The following SON variants were observed in gnomAD, a reference collection of about 807,000 sequenced individuals.
SON encodes SON DNA and RNA binding protein.
In SON, 4 loss-of-function variants were observed where a neutral mutation model predicts 173.3. The observed-to-expected ratio is 0.02, with a 90% CI of 0.01 to 0.05. The LOEUF (loss-of-function observed/expected upper bound fraction) is 0.05, where lower values mean the gene tolerates loss of function less well. Among genes scored for constraint, SON ranks in the 10% least tolerant of loss-of-function variants. The pLI is 1.00. For synonymous variants in SON, 1,190 were observed against 1,105.9 expected, an observed-to-expected ratio of 1.08 and a Z score of -1.51; for missense variants, 2,626 against 3,055.3, an observed-to-expected ratio of 0.86 and a Z score of 3.31.
In SON at chr21:33,567,265, A is replaced by C. The variant is rs375810831; in HGVS notation, c.6766A>C (p.Arg2256=). The C allele has an allele frequency of 7.2e-6, 11 of 1,537,976 alleles. No homozygotes were observed. The highest frequency in any genetic ancestry group is 9.9e-6 in the Non-Finnish European group (11 of 1,110,594). ...GAGCATGTTAAATAGAGCTCAGGAA[A>C]GGGTATGTAGCAGTTTTTTAAAAAA... ...AMSMLNRAQE[R]IDAWAQLNSI... is the part of the protein sequence containing the mutation. The change falls in exon 7 of 12, where the codon AGG becomes CGG. Residue 2256 remains arginine (R), a splice_region_variant and synonymous_variant. Coordinates refer to ENST00000356577, the MANE Select transcript of SON (RefSeq NM_138927.4).
At chr21:33,565,495 G>A (rs2086150232) in intron 6 of SON, among the ~76,000 whole-genome samples, 1 of 152,094 alleles carries the variant, frequency 6.6e-6, no homozygotes, top group Non-Finnish European at 1.5e-5. Context: ...CTTAAGGTAG[G>A]CCTAGGGGGA....
chr21:33,560,034 T>C (rs2086042251), intron 6 of SON: 3 of 1,614,144 alleles, frequency 1.9e-6, no homozygotes, highest in Non-Finnish European at 1.7e-6. Flanking sequence ...CTACCCAACA[T>C]TGGGCCCTCC....
chr21:33,547,037 T>A (rs1048755529), intron 2 of SON: 1 of 152,238 alleles, frequency 6.6e-6, no homozygotes, highest in Non-Finnish European at 1.5e-5. Context: ...TGCAATGGCG[T>A]GATCTCGGCT....
At position 33,554,667 on chromosome 21, in the gene SON, G is replaced by A. The variant is rs1316227721; in HGVS notation, c.5436G>A (p.Gly1812=). Residue 1812 remains glycine (G), a synonymous_variant, in exon 3 of 12, where the codon GGG becomes GGA. Coordinates refer to ENST00000356577, the MANE Select transcript of SON (RefSeq NM_138927.4). ...AGAAAAATAAGAACCGTGATAAGGGGGAGAAAGAGAAGAAAAGAGACTCTT... is the reference window on the plus strand; with the variant it reads ...AGAAAAATAAGAACCGTGATAAGGGAGAGAAAGAGAAGAAAAGAGACTCTT... ...KSKKNKNRDK[G]EKEKKRDSSL... is the part of the protein sequence containing the mutation. The A allele has an allele frequency of 6.2e-7, 1 of 1,613,760 alleles. No homozygotes were observed. Among genetic ancestry groups the A allele is most frequent in the Non-Finnish European group, 8.5e-7 (1 of 1,180,008 alleles).
rs1414739685 is a variant in SON, at chr21:33,577,422, A to ATGTC, written c.*1000_*1003dup. 1.3e-5 allele frequency: 2 copies of ATGTC among 152,556 alleles called. No homozygotes were observed. The highest frequency in any genetic ancestry group is 1.5e-5 in the Non-Finnish European group (1 of 68,024). 9.5% of individuals were successfully genotyped at this position (152,556 alleles called of 1,614,324 possible). On this transcript the variant is annotated 3_prime_UTR_variant, in exon 12 of 12. Transcript: ENST00000356577. ...TGTATTACAGTGGTATTCATATGCT[A>ATGTC]TGTCTCTAAACTTTATTTTCAAAAG...
At position 33,557,466 on chromosome 21, in the gene SON, A is replaced by C. The variant is rs973827072; in HGVS notation, c.6321+150A>C. 5.3e-5 allele frequency: 82 copies of C among 1,546,170 alleles called. No individual in the cohort carries two copies. The Admixed American group carries it at 1.0e-3, about 20-fold the overall frequency. On this transcript the variant is annotated intron_variant, in intron 4 of 11. Transcript: ENST00000356577. The stretch of plus-strand genomic sequence containing the variant: ...GAAATACAGATGTGGCAGCGGCAGA[A>C]GCTCTGTTTAGCAGGCCATTATCCG...
rs1216187628 is a variant in SON, at chr21:33,568,997, T to G, written c.6795T>G (p.Ser2265=). The G allele has an allele frequency of 1.2e-6, 2 of 1,611,246 alleles. No homozygotes were observed. The highest frequency in any genetic ancestry group is 4.5e-5 in the East Asian group (2 of 44,870). ...TTGATGCCTGGGCTCAGCTGAACTCTATTCCTGGCCAGTTCACAGGAAGTA... is the reference window on the plus strand; with the variant it reads ...TTGATGCCTGGGCTCAGCTGAACTCGATTCCTGGCCAGTTCACAGGAAGTA... The part of the protein sequence containing the change: ...ERIDAWAQLN[S]IPGQFTGSTG... Residue 2265 remains serine (S), a synonymous_variant, in exon 8 of 12, where the codon TCT becomes TCG. Coordinates refer to ENST00000356577, the MANE Select transcript of SON (RefSeq NM_138927.4).
intron 3 of SON, among the ~76,000 whole-genome samples, chr21:33,556,514 A>G (rs765388738): frequency 9.9e-5 from 15 of 152,066 alleles, no homozygotes; most frequent in Non-Finnish European, 1.8e-4. Context: ...GGAGTTCGAG[A>G]CCAGCCTGGC....
chr21:33,549,348 C>T, intron 2 of SON, 128 bp from the exon 3 acceptor site: 1 of 717,634 alleles, frequency 1.4e-6, no homozygotes. Flanking sequence ...GCTAAGATTA[C>T]AGGCGTGAGC....
intron 6 of SON, among the ~76,000 whole-genome samples, chr21:33,565,451 A>G (rs941381709): frequency 1.3e-5 from 2 of 152,182 alleles, no homozygotes; most frequent in Non-Finnish European, 2.9e-5. Flanking sequence ...TGTGCCTTCA[A>G]AAATTACCTT....
In SON at chr21:33,554,860, A is replaced by G. The variant is rs1405832931; in HGVS notation, c.5629A>G (p.Arg1877Gly). 1.9e-6 allele frequency: 3 copies of G among 1,614,122 alleles called. No homozygotes were observed. Among genetic ancestry groups the G allele is most frequent in the Middle Eastern group, 1.6e-4 (1 of 6,062 alleles). The change falls in exon 3 of 12, where the codon AGA (arginine) becomes GGA (glycine). Residue 1877 changes from arginine to glycine, a missense_variant. Coordinates refer to ENST00000356577, the MANE Select transcript of SON (RefSeq NM_138927.4). ...ACGCAGGAGGAGAAGCAGCAGATCAAGATCAAAGTCTAGAGGAAGAAGATC... is the reference window on the plus strand; with the variant it reads ...ACGCAGGAGGAGAAGCAGCAGATCAGGATCAAAGTCTAGAGGAAGAAGATC... ...SRRRRRSSRS[R>G]SKSRGRRSVS...
chr21:33,567,416 G>C (rs1245456723), intron 7 of SON, 149 bp downstream of exon 7: 2 of 609,078 alleles, frequency 3.3e-6, no homozygotes, highest in African/African-American at 3.7e-5. Context: ...TATTTTAAAT[G>C]AAAGTGATTC....
In SON at chr21:33,552,128, C is replaced by T. The variant is rs749541383; in HGVS notation, c.2897C>T (p.Ser966Leu). 6.2e-7 allele frequency: 1 copy of T among 1,614,102 alleles called. No homozygotes were observed. Among genetic ancestry groups the T allele is most frequent in the South Asian group, 1.1e-5 (1 of 91,078 alleles). Residue 966 changes from serine to leucine, a missense_variant, in exon 3 of 12, where the codon TCA (serine) becomes TTA (leucine). Transcript: ENST00000356577. This position sits in a 1 kb window ranked among gnomAD's most constrained non-coding sequence, Gnocchi z 5.6. ...CTAACTCCTGATCCCTATAGGATGT[C>T]ACCTAGACCCTACAGGATAGCACCC... The part of the protein sequence containing the change: ...YRLTPDPYRM[S>L]PRPYRIAPRS...
rs768173399 is a variant in SON at position 33,555,063 on chromosome 21, TAGA to T, written c.5838_5840del (p.Arg1947del). The T allele has an allele frequency of 8.7e-6, 14 of 1,610,418 alleles. No homozygotes were observed. The highest frequency in any genetic ancestry group is 2.2e-5 in the East Asian group (1 of 44,666). On this transcript the variant is annotated inframe_deletion, in exon 3 of 12. Transcript: ENST00000356577. Reference sequence around the variant, plus strand: ...GTCGACGAAGGTCTAGATCTGTGGGTAGAAGAAGGAGCTTTAGCATTTCCCCAA... The same window carrying T: ...GTCGACGAAGGTCTAGATCTGTGGGTAGAAGGAGCTTTAGCATTTCCCCAA...
rs2085802034 is a variant in SON at position 33,551,871 on chromosome 21, C to T, written c.2640C>T (p.Thr880=). 8 of 1,614,032 alleles carry T rather than the reference C, an allele frequency of 5.0e-6. No homozygotes were observed. Among genetic ancestry groups the T allele is most frequent in the African/African-American group, 1.3e-5 (1 of 74,986 alleles). Residue 880 remains threonine (T), a synonymous_variant, in exon 3 of 12, where the codon ACC becomes ACT. Coordinates refer to ENST00000356577, the MANE Select transcript of SON (RefSeq NM_138927.4). Reference sequence around the variant, plus strand: ...ACTCTCAAATGTTAGCTTCTGGCACCATGGATGCTCAGATGTTAGCGTCTG... The same window carrying T: ...ACTCTCAAATGTTAGCTTCTGGCACTATGGATGCTCAGATGTTAGCGTCTG... ...TMDSQMLASG[T]MDAQMLASGT...
chr21:33,571,296 T>C (rs1241736806), intron 8 of SON, among the ~76,000 whole-genome samples: 1 of 152,218 alleles, frequency 6.6e-6, no homozygotes, highest in Non-Finnish European at 1.5e-5. Flanking sequence ...ATTTAGGATG[T>C]ATGATCCATG....
chr21:33,558,704 C>G (rs1424434993), intron 4 of SON: 3 of 152,160 alleles, frequency 2.0e-5, no homozygotes, highest in Non-Finnish European at 4.4e-5. Context: ...CTTCTCCTTT[C>G]CCTACCAGTC....
In SON at chr21:33,549,563, A is replaced by G. The variant is rs187881392; in HGVS notation, c.332A>G (p.His111Arg). Residue 111 changes from histidine to arginine, a missense_variant, in exon 3 of 12, where the codon CAT becomes CGT. Coordinates refer to ENST00000356577, the MANE Select transcript of SON (RefSeq NM_138927.4). The stretch of plus-strand genomic sequence containing the variant: ...ATTCCCACTAAAAAGTCAAAGAAGC[A>G]TAAAAAGCACAAAAACAAAAAGAAG... ...DEIPTKKSKK[H>R]KKHKNKKKKK... 380 of 1,590,092 alleles carry G rather than the reference A, an allele frequency of 2.4e-4. 2 individuals carry two copies. Among genetic ancestry groups the G allele is most frequent in the Non-Finnish European group, 2.0e-5 (24 of 1,173,150 alleles).
At chr21:33,562,870 C>T (rs2086093878) in intron 6 of SON, among the ~76,000 whole-genome samples, 1 of 152,104 alleles carries the variant, frequency 6.6e-6, no homozygotes, top group South Asian at 2.1e-4. Context: ...GTAGTAACTA[C>T]TCAACTATTA....
Sources: allele counts gnomAD v4.1 joint callset (sites outside exome capture counted in the v4.1 genomes callset), GRCh38; gene constraint gnomAD v4.1.1; non-coding constraint Gnocchi (gnomAD v3.1); transcripts MANE v1.5; gene names NCBI Gene and HGNC (gene_info 2026-07-23, HGNC 2026-07-21).